Variants in NOMO1 observed in about 807,000 individuals in gnomAD.
The protein encoded by NOMO1 is NODAL modulator 1, also known as nodal modulator 3.
NOMO1 carries 40 observed loss-of-function variants against 133.8 expected under a neutral mutation model. That is an observed-to-expected ratio of 0.30 (90% CI 0.23 to 0.39). The LOEUF (loss-of-function observed/expected upper bound fraction) is 0.39. NOMO1 is among the 10% of genes least tolerant of loss of function. The pLI, the probability that NOMO1 is intolerant of heterozygous loss-of-function variation, is 1.00. For missense variants in NOMO1, 462 were observed against 1,419.9 expected (o/e 0.33, Z 10.84); for synonymous variants, 236 against 570.5 (o/e 0.41, Z 8.36).
rs1277146467 is a variant in NOMO1, at chr16:14,871,607, T to C, written c.1895-14T>C. ...GCCATTCTCTGAAAATTACTTTTGA[T>C]TTCCTGTCTGTAGGTGTGTACAAAG... On this transcript the variant is annotated splice_polypyrimidine_tract_variant and intron_variant, in intron 16 of 30. Transcript: ENST00000287667. 2 of 1,611,050 alleles carry C rather than the reference T, an allele frequency of 1.2e-6. No homozygotes were observed. The highest frequency in any genetic ancestry group is 2.2e-5 in the East Asian group (1 of 44,844).
At chr16:14,877,558 A>G (rs920762144) in intron 22 of NOMO1, among the ~76,000 whole-genome samples, 2 of 152,062 alleles carry the variant, frequency 1.3e-5, no homozygotes, top group African/African-American at 2.4e-5. Context: ...AGGAGCTCCT[A>G]AGATTGGTAA....
chr16:14,866,520 G>A (rs371692895), intron 14 of NOMO1, 35 bp from the exon 15 acceptor site: 116 of 1,609,936 alleles, frequency 7.2e-5, no homozygotes, highest in Admixed American at 3.2e-4. Flanking sequence ...TGTGCTCCAC[G>A]CCCATGTATC....
intron 27 of NOMO1, among the ~76,000 whole-genome samples, chr16:14,885,798 C>T: frequency 6.6e-6 from 1 of 151,962 alleles, no homozygotes; most frequent in African/African-American, 2.4e-5. Context: ...GTTGGTGTCA[C>T]TTCCCAGTTT....
intron 28 of NOMO1, 64 bp downstream of exon 28, chr16:14,886,926 G>C (rs1269614356): frequency 6.9e-7 from 1 of 1,455,340 alleles, no homozygotes; most frequent in Non-Finnish European, 9.6e-7. Flanking sequence ...TTTAGTTTAA[G>C]GAAGCACAGT....
intron 24 of NOMO1, among the ~76,000 whole-genome samples, chr16:14,880,441 G>T (rs911050702): frequency 7.9e-5 from 12 of 151,994 alleles, no homozygotes; most frequent in African/African-American, 2.9e-4. Flanking sequence ...GCCCAGGCTG[G>T]AGTACAATGG....
At chr16:14,875,512 G>A (rs1488435433) in intron 20 of NOMO1, 90 bp downstream of exon 20, 2 of 745,060 alleles carry the variant, frequency 2.7e-6, no homozygotes, top group African/African-American at 3.6e-5. Flanking sequence ...ATGTTATAGT[G>A]AAGCCATCTT....
At chr16:14,857,035 G>C (rs919358738) in intron 9 of NOMO1, among the ~76,000 whole-genome samples, 182 bp from the exon 10 acceptor site, 2 of 152,052 alleles carry the variant, frequency 1.3e-5, no homozygotes, top group African/African-American at 2.4e-5. Context: ...ACACAACAGA[G>C]AAGACAGATG....
At position 14,875,367 on chromosome 16, in the gene NOMO1, G is replaced by A. The variant is rs368095081; in HGVS notation, c.2301G>A (p.Pro767=). Residue 767 remains proline (P), a synonymous_variant, in exon 20 of 31, where the codon CCG becomes CCA. Coordinates refer to ENST00000287667, the MANE Select transcript of NOMO1 (RefSeq NM_014287.4). ...CTGGAGAGAAAATCACTGTTACACC[G>A]TCATCTAAAGAGCTGCTCTTTTATC... ...ARSGEKITVT[P]SSKELLFYPP... The A allele has an allele frequency of 1.9e-3, 2,966 of 1,587,554 alleles. 55 individuals are homozygous for A. In the East Asian group the frequency reaches 0.049, roughly 26 times the overall value.
intron 29 of NOMO1, among the ~76,000 whole-genome samples, 178 bp downstream of exon 29, chr16:14,889,393 G>C (rs1163976816): frequency 6.6e-6 from 1 of 152,060 alleles, no homozygotes; most frequent in Non-Finnish European, 1.5e-5. Flanking sequence ...TTAACCGGGC[G>C]TGGTGGAACG....
intron 23 of NOMO1, among the ~76,000 whole-genome samples, chr16:14,879,776 A>G (rs992276864): frequency 6.7e-6 from 1 of 149,602 alleles, no homozygotes; most frequent in Non-Finnish European, 1.5e-5. Flanking sequence ...AAAATTAAAT[A>G]TGACTTCTAC....
At chr16:14,851,052 TC>T (rs1963750900) in intron 6 of NOMO1, among the ~76,000 whole-genome samples, 1 of 142,026 alleles carries the variant, frequency 7.0e-6, no homozygotes, top group Non-Finnish European at 1.5e-5. Context: ...CCACTGCACT[TC>T]AGCTTGGGTG....
chr16:14,859,735 A>G (rs1393454062), intron 11 of NOMO1, among the ~76,000 whole-genome samples: 2 of 152,164 alleles, frequency 1.3e-5, no homozygotes, highest in Non-Finnish European at 2.9e-5. Flanking sequence ...TAAAATAACA[A>G]GATTTTAAAA....
intron 18 of NOMO1, among the ~76,000 whole-genome samples, chr16:14,873,953 A>G (rs1597108049): frequency 6.6e-6 from 1 of 151,530 alleles, no homozygotes; most frequent in East Asian, 2.0e-4. Flanking sequence ...CAATTCCCCA[A>G]CAAAGCCTTG....
intron 26 of NOMO1, 88 bp from the exon 27 acceptor site, chr16:14,884,284 T>C: frequency 6.7e-7 from 1 of 1,500,160 alleles, no homozygotes; most frequent in East Asian, 2.3e-5. Context: ...AAGTTTGCCA[T>C]GAAGCAGCTC....
chr16:14,883,493 G>A (rs1469983354), intron 26 of NOMO1, among the ~76,000 whole-genome samples: 1 of 151,606 alleles, frequency 6.6e-6, no homozygotes, highest in Admixed American at 6.6e-5. Flanking sequence ...CATCACACCC[G>A]GCTAATTTTT....
Position 14,866,632 on chromosome 16 carries a change from G to A in NOMO1, c.1747G>A (p.Val583Ile). The A allele has an allele frequency of 6.2e-7, 1 of 1,609,990 alleles. No homozygotes were observed. ...AGTGCTGGAGGATGACATGTCTGCA[G>A]TTGAGTTCAGGCAGACGGGCTACAT... Reference protein sequence around the residue: ...VEVLEDDMSAVEFRQTGYMLR... With the variant: ...VEVLEDDMSAIEFRQTGYMLR... Residue 583 changes from valine (V) to isoleucine (I), a missense_variant, in exon 15 of 31, where the codon GTT becomes ATT. Transcript: ENST00000287667.
At chr16:14,858,869 G>A (rs922165167) in intron 11 of NOMO1, among the ~76,000 whole-genome samples, 2 of 152,048 alleles carry the variant, frequency 1.3e-5, no homozygotes, top group Non-Finnish European at 2.9e-5. Context: ...GGCTTGCCTT[G>A]TAGGGAAGTC....
At chr16:14,882,746 C>T (rs1964263039) in intron 26 of NOMO1, 69 bp downstream of exon 26, 1 of 1,610,312 alleles carries the variant, frequency 6.2e-7, no homozygotes, top group African/African-American at 1.3e-5. Context: ...CTCCCGTCTC[C>T]TCTGGCTGTC....
Position 14,871,642 on chromosome 16 carries a change from G to A in NOMO1, c.1916G>A (p.Arg639His), listed in dbSNP as rs1964082948. ...SKPGVYKVTP[R>H]SCHRFEQAFY... Reference sequence around the variant, plus strand: ...GTAGGTGTGTACAAAGTGACCCCTCGCTCCTGCCACCGGTTTGAGCAAGCG... The same window carrying A: ...GTAGGTGTGTACAAAGTGACCCCTCACTCCTGCCACCGGTTTGAGCAAGCG... The change falls in exon 17 of 31, where the codon CGC (arginine) becomes CAC (histidine). Residue 639 changes from arginine (R) to histidine (H), a missense_variant. Physicochemically the swap from Arg to His is conservative, Grantham distance 29. Coordinates refer to ENST00000287667, the MANE Select transcript of NOMO1 (RefSeq NM_014287.4). 11 of 1,609,956 alleles carry A rather than the reference G, an allele frequency of 6.8e-6. No homozygotes were observed. The highest frequency in any genetic ancestry group is 1.1e-5 in the South Asian group (1 of 90,824).
Sources: gnomAD v4.1 joint callset for allele counts (sites outside exome capture counted in the v4.1 genomes callset) on GRCh38, gnomAD v4.1.1 for gene constraint, MANE v1.5 for transcripts, NCBI Gene and HGNC (gene_info 2026-07-23, HGNC 2026-07-21) for gene names.